TNN: variants seen among roughly 807,000 people sequenced by gnomAD.
TNN encodes tenascin-N.
A neutral mutation model predicts 134.4 loss-of-function variants in TNN; 122 were observed. The ratio of observed to expected loss-of-function variants is 0.91; its 90% CI spans 0.78 to 1.06. The LOEUF is 1.06. Among genes scored for constraint, TNN ranks in the 50% least tolerant of loss-of-function variants. The probability of loss-of-function intolerance (pLI) is 0.00; values close to 1 mark genes in which losing one functional copy is unlikely to be tolerated. For synonymous variants in TNN, 710 were observed against 670.3 expected (o/e 1.06, Z -0.91); for missense variants, 1,739 against 1,699.4 (o/e 1.02, Z -0.41).
intron 17 of TNN, among the ~76,000 whole-genome samples, chr1:175,139,062 A>G (rs1167973700): frequency 6.6e-6 from 1 of 152,198 alleles, no homozygotes; most frequent in Admixed American, 6.5e-5. Context: ...GCAGGACTGG[A>G]AGTTGCTCTG....
chr1:175,086,295 A>G (rs1674323139), intron 6 of TNN, among the ~76,000 whole-genome samples: 1 of 152,248 alleles, frequency 6.6e-6, no homozygotes, highest in Non-Finnish European at 1.5e-5. Flanking sequence ...GAAAATATAT[A>G]ATGATAAAAG....
rs777679264 is a variant in TNN at position 175,077,686 on chromosome 1, A to C, written c.268A>C (p.Ile90Leu). 3.1e-6 allele frequency: 5 copies of C among 1,614,086 alleles called. No homozygotes were observed. Among genetic ancestry groups the C allele is most frequent in the East Asian group, 4.5e-5 (2 of 44,890 alleles). ...EEQNIIFRHN[I>L]RLQTPQKDCE... The stretch of plus-strand genomic sequence containing the variant: ...ACAGAACATCATCTTCAGGCACAAC[A>C]TCCGCCTTCAGACGCCACAGAAGGA... The change falls in exon 2 of 19, where the codon ATC (isoleucine) becomes CTC (leucine). Residue 90 changes from isoleucine to leucine, a missense_variant. Physicochemically the swap from Ile to Leu is conservative, Grantham distance 5. Coordinates refer to ENST00000239462, the MANE Select transcript of TNN (RefSeq NM_022093.2).
chr1:175,115,700 T>C (rs1438963375), intron 9 of TNN, among the ~76,000 whole-genome samples: 1 of 152,028 alleles, frequency 6.6e-6, no homozygotes, highest in Admixed American at 6.6e-5. Context: ...ACAATAGCCA[T>C]GCAGGCCACA....
intron 7 of TNN, 150 bp downstream of exon 7, chr1:175,094,403 A>G: frequency 1.6e-6 from 1 of 639,198 alleles, no homozygotes; most frequent in Non-Finnish European, 2.4e-6. Context: ...TTTCATAATT[A>G]TATATATTTT....
intron 7 of TNN, among the ~76,000 whole-genome samples, chr1:175,095,676 C>A (rs568056327): frequency 3.3e-5 from 5 of 152,164 alleles, no homozygotes; most frequent in Non-Finnish European, 5.9e-5. Flanking sequence ...CGGGTTCAAG[C>A]GATTCTCCTG....
rs7544472 is a variant in TNN at position 175,082,215 on chromosome 1, T to G, written c.1049-1535T>G. Among the ~76,000 whole-genome samples the G allele has an allele frequency of 3.3e-3, 505 of 152,308 alleles. 4 individuals carry two copies. Among genetic ancestry groups the G allele is most frequent in the African/African-American group, 0.01 (432 of 41,576 alleles). Reference sequence around the variant, plus strand: ...TAGCACTGTGTCCAAAGCCTCCCAGTGCAGCACAGAGATGCCTATTCTGAA... The same window carrying G: ...TAGCACTGTGTCCAAAGCCTCCCAGGGCAGCACAGAGATGCCTATTCTGAA... On this transcript the variant is annotated intron_variant, in intron 4 of 18. Coordinates refer to ENST00000239462, the MANE Select transcript of TNN (RefSeq NM_022093.2).
intron 17 of TNN, 25 bp from the exon 18 acceptor site, chr1:175,144,362 C>T (rs752985179): frequency 8.1e-6 from 13 of 1,608,784 alleles, no homozygotes; most frequent in East Asian, 2.2e-5. Context: ...CCTGGGCTCT[C>T]GCCTCCGTCT....
intron 10 of TNN, 98 bp from the exon 11 acceptor site, chr1:175,118,463 C>A (rs1675245559): frequency 9.1e-6 from 13 of 1,429,974 alleles, no homozygotes; most frequent in Middle Eastern, 3.6e-4. Flanking sequence ...GGAAACCCCA[C>A]ACAACATGAA....
At chr1:175,075,025 T>C (rs1235145216) in intron 1 of TNN, among the ~76,000 whole-genome samples, 1 of 152,220 alleles carries the variant, frequency 6.6e-6, no homozygotes, top group Non-Finnish European at 1.5e-5. Flanking sequence ...ATGGCAGCTC[T>C]GGGGATTAAT....
chr1:175,077,737 G>C lies in TNN; in HGVS notation c.319G>C (p.Asp107His), dbSNP rs1202277245. The C allele has an allele frequency of 2.5e-6, 4 of 1,614,116 alleles. No individual in the cohort carries two copies. In the African/African-American group the frequency reaches 5.3e-5, roughly 22 times the overall value. ...KDCELAGSVQDLLARVKKLEE... is the reference protein window; with the variant it reads ...KDCELAGSVQHLLARVKKLEE... ...CTGCGAGTTGGCAGGCAGTGTCCAG[G>C]ACCTCCTGGCCCGGGTGAAGAAGCT... Residue 107 changes from aspartate (D) to histidine (H), a missense_variant, in exon 2 of 19, where the codon GAC (aspartate) becomes CAC (histidine). Coordinates refer to ENST00000239462, the MANE Select transcript of TNN (RefSeq NM_022093.2).
chr1:175,130,907 T>G (rs1675659985), intron 15 of TNN, among the ~76,000 whole-genome samples: 1 of 152,138 alleles, frequency 6.6e-6, no homozygotes, highest in African/African-American at 2.4e-5. Flanking sequence ...CAAGTCTTGT[T>G]TTCTGAGCCA....
At chr1:175,105,849 C>G (rs1674836697) in intron 9 of TNN, among the ~76,000 whole-genome samples, 1 of 145,524 alleles carries the variant, frequency 6.9e-6, no homozygotes, top group Non-Finnish European at 1.5e-5. Context: ...TCTCTCCCTG[C>G]CCAAGGACCT....
rs145191085 is a variant in TNN, at chr1:175,092,103, C to T, written c.1325-1887C>T. Among the ~76,000 whole-genome samples, 486 of 152,280 alleles carry T rather than the reference C, an allele frequency of 3.2e-3. 4 individuals carry two copies. Among genetic ancestry groups the T allele is most frequent in the Non-Finnish European group, 4.0e-3 (273 of 68,014 alleles). ...GCAGGACTGCTAGGGTGTTCTTGCT[C>T]GCTTCTTCCTGCCTCCTTAGTTTTC... is the stretch of plus-strand genomic sequence containing the variant. On this transcript the variant is annotated intron_variant, in intron 6 of 18. Transcript: ENST00000239462.
chr1:175,110,978 C>T (rs1030161753), intron 9 of TNN, among the ~76,000 whole-genome samples: 1 of 151,720 alleles, frequency 6.6e-6, no homozygotes, highest in Non-Finnish European at 1.5e-5. Context: ...AGTTCAAGAC[C>T]AGCCTGGCCA....
At chr1:175,123,123 A>G (rs1383658119) in intron 11 of TNN, among the ~76,000 whole-genome samples, 2 of 152,196 alleles carry the variant, frequency 1.3e-5, no homozygotes, top group African/African-American at 2.4e-5. Flanking sequence ...TTGGTGGCTT[A>G]TCTTGTTGCT....
chr1:175,091,567 A>T (rs1169701337), intron 6 of TNN, among the ~76,000 whole-genome samples: 3 of 121,002 alleles, frequency 2.5e-5, no homozygotes, highest in Admixed American at 1.6e-4. Flanking sequence ...ATTTTTATTT[A>T]TTTATTTATT....
intron 5 of TNN, among the ~76,000 whole-genome samples, chr1:175,084,849 G>A (rs1398295683): frequency 2.6e-5 from 4 of 152,172 alleles, no homozygotes; most frequent in Non-Finnish European, 5.9e-5. Flanking sequence ...AAAAAGGGCT[G>A]GGCATAATGG....
chr1:175,144,102 T>G (rs1425412741), intron 17 of TNN, among the ~76,000 whole-genome samples: 3 of 151,922 alleles, frequency 2.0e-5, no homozygotes, highest in Middle Eastern at 3.4e-3. Flanking sequence ...TGGGGAGAGT[T>G]GTTATGTTTG....
intron 6 of TNN, among the ~76,000 whole-genome samples, chr1:175,086,677 T>G (rs1674330801): frequency 6.6e-6 from 1 of 152,256 alleles, no homozygotes; most frequent in South Asian, 2.1e-4. Flanking sequence ...CTATTTCAGC[T>G]GCCTAACAGA....
Sources: allele counts gnomAD v4.1 joint callset (sites outside exome capture counted in the v4.1 genomes callset), GRCh38; gene constraint gnomAD v4.1.1; transcripts MANE v1.5; gene names NCBI Gene and HGNC (gene_info 2026-07-23, HGNC 2026-07-21).